CACNG7: variants seen among roughly 807,000 people sequenced by gnomAD.
CACNG7 encodes calcium voltage-gated channel auxiliary subunit gamma 7.
In CACNG7, 9 loss-of-function variants were observed where a neutral mutation model predicts 26.3. That is an observed-to-expected ratio of 0.34 (90% CI 0.21 to 0.60). CACNG7 has a LOEUF of 0.60. CACNG7 is among the 20% of genes least tolerant of loss of function. The pLI is 0.81. For missense variants in CACNG7, 297 were observed against 380.4 expected (o/e 0.78, Z 1.82); for synonymous variants, 170 against 157.0 (o/e 1.08, Z -0.62).
chr19:53,914,799 C>T (rs974421544), intron 3 of CACNG7, among the ~76,000 whole-genome samples: 15 of 151,782 alleles, frequency 9.9e-5, no homozygotes, highest in African/African-American at 2.7e-4. Flanking sequence ...GTCAGGAGTT[C>T]GAAACCAGCC....
intron 2 of CACNG7, among the ~76,000 whole-genome samples, chr19:53,914,173 C>G (rs1361345924): frequency 6.6e-6 from 1 of 150,856 alleles, no homozygotes; most frequent in African/African-American, 2.5e-5. Context: ...ACTCAGGAGG[C>G]TGAGGCAGGA....
intron 1 of CACNG7, among the ~76,000 whole-genome samples, chr19:53,910,279 C>T (rs74935622): frequency 0.12 from 17,642 of 151,078 alleles, 2,975 homozygotes; most frequent in African/African-American, 0.38. Flanking sequence ...CGCGGTCAAA[C>T]CCCTGAGCCG....
rs397706471 is a variant in CACNG7, at chr19:53,916,487, C to CTTTTT, written c.424+998_424+1002dup. Among the ~76,000 whole-genome samples the CTTTTT allele has an allele frequency of 5.9e-4, 56 of 95,440 alleles. 4 individuals carry two copies. The highest frequency in any genetic ancestry group is 2.0e-3 in the African/African-American group (45 of 22,936). The allele number at this position is 95,440 out of a possible 152,430, so 62.6% of individuals were successfully genotyped here. The stretch of plus-strand genomic sequence containing the variant: ...CCAGCAATGCCTTTTTTCTTTCTTT[C>CTTTTT]TTTTTTTTTTTTTTTTTTTTGACTG... On this transcript the variant is annotated intron_variant, in intron 4 of 5. Transcript: ENST00000391767.
intron 4 of CACNG7, among the ~76,000 whole-genome samples, chr19:53,925,629 G>T (rs1325107356): frequency 5.9e-5 from 9 of 152,240 alleles, no homozygotes; most frequent in East Asian, 3.8e-4. Flanking sequence ...GGTATTGGTG[G>T]AGTTGGCATT....
intron 4 of CACNG7, among the ~76,000 whole-genome samples, chr19:53,924,891 T>C (rs910430694): frequency 2.1e-5 from 3 of 145,680 alleles, no homozygotes; most frequent in African/African-American, 7.8e-5. Context: ...TTGGTGTACT[T>C]GCCCCAGGTC....
At chr19:53,910,399 C>T (rs1177181810) in intron 1 of CACNG7, among the ~76,000 whole-genome samples, 2 of 141,604 alleles carry the variant, frequency 1.4e-5, no homozygotes, top group African/African-American at 2.7e-5. Flanking sequence ...GCTGGGAGTG[C>T]GGGGTGGAGC....
In CACNG7 at chr19:53,939,460, G is replaced by A. The variant is rs2069124784; in HGVS notation, c.425-2010G>A. Among the ~76,000 whole-genome samples, 1 of 151,748 alleles carries A rather than the reference G, an allele frequency of 6.6e-6. No homozygotes were observed. Among genetic ancestry groups the A allele is most frequent in the Non-Finnish European group, 1.5e-5 (1 of 67,950 alleles). On this transcript the variant is annotated intron_variant, in intron 4 of 5. Coordinates refer to ENST00000391767, the MANE Select transcript of CACNG7 (RefSeq NM_031896.5). This position sits in a 1 kb window ranked among gnomAD's most constrained non-coding sequence, Gnocchi z 4.2. Reference sequence around the variant, plus strand: ...ATTTCCCCCTCCATCCTATTCCCTGGCAACCACTAATCTACTTTCTGTCTC... The same window carrying A: ...ATTTCCCCCTCCATCCTATTCCCTGACAACCACTAATCTACTTTCTGTCTC...
intron 4 of CACNG7, among the ~76,000 whole-genome samples, chr19:53,920,088 A>T (rs2068929753): frequency 9.2e-6 from 1 of 108,802 alleles, no homozygotes; most frequent in African/African-American, 4.3e-5. Flanking sequence ...GAGTTGCCCC[A>T]GGCTGGTCAT....
intron 4 of CACNG7, among the ~76,000 whole-genome samples, chr19:53,935,792 C>A (rs995222550): frequency 2.6e-5 from 4 of 151,884 alleles, no homozygotes; most frequent in Non-Finnish European, 4.4e-5. Context: ...AGGCACCCAC[C>A]ACCATGCCCA....
chr19:53,910,138 G>A (rs546040681), intron 1 of CACNG7, among the ~76,000 whole-genome samples: 2 of 152,244 alleles, frequency 1.3e-5, no homozygotes, highest in Non-Finnish European at 1.5e-5. Flanking sequence ...GAAGGGACGA[G>A]GTCCCAGCTG....
intron 2 of CACNG7, among the ~76,000 whole-genome samples, chr19:53,914,079 G>C (rs967626929): frequency 2.6e-5 from 4 of 152,004 alleles, no homozygotes; most frequent in Non-Finnish European, 4.4e-5. Flanking sequence ...TTTGAGACCA[G>C]TCTGGCCAAC....
At chr19:53,919,897 G>GT (rs1475230051) in intron 4 of CACNG7, among the ~76,000 whole-genome samples, 2 of 130,746 alleles carry the variant, frequency 1.5e-5, no homozygotes, top group African/African-American at 6.2e-5. Flanking sequence ...TGGTGGACTT[G>GT]CCCCAGGCTG....
Position 53,942,608 on chromosome 19 carries a change from T to G in CACNG7, c.*315T>G. 8.1e-7 allele frequency: 1 copy of G among 1,238,632 alleles called. No homozygotes were observed. Among genetic ancestry groups the G allele is most frequent in the South Asian group, 2.4e-5 (1 of 42,494 alleles). 76.7% of individuals were successfully genotyped at this position (1,238,632 alleles called of 1,614,324 possible). On this transcript the variant is annotated 3_prime_UTR_variant, in exon 6 of 6. Transcript: ENST00000391767. The surrounding 1 kb of genome is among the most constrained non-coding windows in gnomAD (Gnocchi z 5.9). ...ATTAGCTCCTCCCTCGTTCTCCACC[T>G]GCTCTGAGCTGGGAGCAGCCAGAGG...
intron 4 of CACNG7, among the ~76,000 whole-genome samples, chr19:53,938,622 A>T (rs1303691511): frequency 6.6e-6 from 1 of 152,058 alleles, no homozygotes; most frequent in Non-Finnish European, 1.5e-5. Context: ...CATTTGTAGA[A>T]ACCAAAATTT....
In CACNG7 at chr19:53,942,060, C is replaced by CT. The variant is rs1361641393; in HGVS notation, c.596dup (p.Phe200ValfsTer156). 3 of 1,611,976 alleles carry CT rather than the reference C, an allele frequency of 1.9e-6. No homozygotes were observed. The highest frequency in any genetic ancestry group is 2.5e-6 in the Non-Finnish European group (3 of 1,178,758). On this transcript the variant is annotated frameshift_variant, in exon 6 of 6. Transcript: ENST00000391767. LOFTEE classifies it high-confidence loss of function. This position sits in a 1 kb window ranked among gnomAD's most constrained non-coding sequence, Gnocchi z 5.9. ...GGGGGCCGGCGTGATGTCCGTGTAC[C>CT]TGTTCACCAAGCGCTACGCGGAGGA...
chr19:53,936,524 T>C (rs948436672), intron 4 of CACNG7, among the ~76,000 whole-genome samples: 1 of 152,240 alleles, frequency 6.6e-6, no homozygotes, highest in African/African-American at 2.4e-5. Flanking sequence ...TAAATTGGTG[T>C]GCTACTGAAA....
Position 53,912,686 on chromosome 19 carries a change from A to G in CACNG7, c.-29-117A>G. ...GGTCAGGCCACGGAGGTCAGATCTG[A>G]GATTTCGATTTGGGAGTCAGTGTCT... is the stretch of plus-strand genomic sequence containing the variant. On this transcript the variant is annotated intron_variant, in intron 1 of 5. Coordinates refer to ENST00000391767, the MANE Select transcript of CACNG7 (RefSeq NM_031896.5). This position sits in a 1 kb window ranked among gnomAD's most constrained non-coding sequence, Gnocchi z 4.6. 2.6e-6 allele frequency: 2 copies of G among 775,140 alleles called. No individual in the cohort carries two copies. The highest frequency in any genetic ancestry group is 2.1e-6 in the Non-Finnish European group (1 of 470,938). The allele number at this position is 775,140 out of a possible 1,614,324, so 48.0% of individuals were successfully genotyped here.
intron 4 of CACNG7, among the ~76,000 whole-genome samples, chr19:53,924,596 G>T (rs1485304976): frequency 6.6e-6 from 1 of 150,802 alleles, no homozygotes; most frequent in Admixed American, 6.6e-5. Context: ...CTGGTCATTG[G>T]TGGAGTTGCC....
chr19:53,912,732 C>T lies in CACNG7; in HGVS notation c.-29-71C>T. 5 of 1,230,636 alleles carry T rather than the reference C, an allele frequency of 4.1e-6. No homozygotes were observed. The highest frequency in any genetic ancestry group is 1.9e-5 in the Admixed American group (1 of 51,596). 76.2% of individuals were successfully genotyped at this position (1,230,636 alleles called of 1,614,324 possible). A position where few individuals can be genotyped will look rare whatever the true frequency, so the allele number is the denominator to read the frequency against. On this transcript the variant is annotated intron_variant, in intron 1 of 5. Coordinates refer to ENST00000391767, the MANE Select transcript of CACNG7 (RefSeq NM_031896.5). This position sits in a 1 kb window ranked among gnomAD's most constrained non-coding sequence, Gnocchi z 4.6. ...TGTCTCTGGCTAGGGCCCAGCATCC[C>T]GGGTTGCTGCATGGGGTCAAGCACT...
Sources: gnomAD v4.1 joint callset for allele counts (sites outside exome capture counted in the v4.1 genomes callset) on GRCh38, gnomAD v4.1.1 for gene constraint, Gnocchi (gnomAD v3.1) non-coding constraint, MANE v1.5 for transcripts, NCBI Gene and HGNC (gene_info 2026-07-23, HGNC 2026-07-21) for gene names.